The following MYLK4 variants were observed in gnomAD, a reference collection of about 807,000 sequenced individuals.
MYLK4 encodes the protein caMLCK like.
A neutral mutation model predicts 48.1 loss-of-function variants in MYLK4; 46 were observed. The ratio of observed to expected loss-of-function variants is 0.96; its 90% CI spans 0.75 to 1.22. The LOEUF (loss-of-function observed/expected upper bound fraction) is 1.22. Among genes scored for constraint, MYLK4 ranks in the 50% most tolerant of loss-of-function variants. The probability of loss-of-function intolerance (pLI) is 0.00; values close to 1 mark genes in which losing one functional copy is unlikely to be tolerated. For synonymous variants in MYLK4, 170 were observed against 180.8 expected (o/e 0.94, Z 0.48); for missense variants, 451 against 486.1 (o/e 0.93, Z 0.68).
At position 2,665,085 on chromosome 6, in the gene MYLK4, A is replaced by G. The variant is rs534443403; in HGVS notation, c.*2840T>C. The stretch of plus-strand genomic sequence containing the variant: ...GTGAGTGAGCAAAGCCATACCATCC[A>G]TTAAGAGGGTGGAGGAGAAATACAG... On this transcript the variant is annotated 3_prime_UTR_variant, in exon 13 of 13. Coordinates refer to ENST00000274643, the MANE Select transcript of MYLK4 (RefSeq NM_001012418.5). 9 of 152,376 alleles carry G rather than the reference A, an allele frequency of 5.9e-5. No individual in the cohort carries two copies. The highest frequency in any genetic ancestry group is 2.2e-4 in the African/African-American group (9 of 41,592). 9.4% of individuals were successfully genotyped at this position (152,376 alleles called of 1,614,324 possible). A position where few individuals can be genotyped will look rare whatever the true frequency, so the allele number is the denominator to read the frequency against.
the MYLK4 span, chr6:2,766,349 A>C: frequency 1.2e-6 from 2 of 1,610,506 alleles, no homozygotes; most frequent in Non-Finnish European, 8.5e-7. Flanking sequence ...CTTCGGGCAG[A>C]GCAAGGCCGT....
chr6:2,680,397 G>A, intron 7 of MYLK4, 106 bp from the exon 8 acceptor site: 1 of 1,579,788 alleles, frequency 6.3e-7, no homozygotes, highest in South Asian at 1.1e-5. Context: ...AAACATATCA[G>A]GCCTTTCACT....
At chr6:2,762,628 C>G in the MYLK4 span, among the ~76,000 whole-genome samples, 3 of 152,252 alleles carry the variant, frequency 2.0e-5, no homozygotes, top group Non-Finnish European at 2.9e-5. Context: ...CTGTGATGCT[C>G]CTGCAATAAT....
At chr6:2,765,451 C>G in the MYLK4 span, 1 of 766,824 alleles carries the variant, frequency 1.3e-6, no homozygotes. Flanking sequence ...CGGGCGGACG[C>G]GGGAGCTGCG....
intron 2 of MYLK4, among the ~76,000 whole-genome samples, chr6:2,698,593 T>C (rs1450445966): frequency 1.3e-5 from 2 of 152,176 alleles, no homozygotes; most frequent in Admixed American, 6.5e-5. Context: ...TCTAGAAATA[T>C]CTAAACAAAA....
At chr6:2,730,402 A>T (rs901368496) in intron 2 of MYLK4, among the ~76,000 whole-genome samples, 5 of 152,162 alleles carry the variant, frequency 3.3e-5, no homozygotes, top group African/African-American at 1.2e-4. Context: ...TGAACCTGAA[A>T]ATTCCCAGTT....
chr6:2,744,783 C>G (rs1414033240), intron 2 of MYLK4, among the ~76,000 whole-genome samples: 1 of 152,164 alleles, frequency 6.6e-6, no homozygotes, highest in Non-Finnish European at 1.5e-5. Flanking sequence ...TGGGATACCC[C>G]CTGGTTGGGA....
At chr6:2,694,478 GATGGTAGTGGTC>G (rs1411087812) in intron 2 of MYLK4, among the ~76,000 whole-genome samples, 1 of 28,226 alleles carries the variant, frequency 3.5e-5, no homozygotes, top group Non-Finnish European at 6.7e-5. Flanking sequence ...TGATGATGAT[GATGGTAGTGGTC>G]ATGGTGGTGG....
rs184505445 is a variant in MYLK4, at chr6:2,708,226, T to C, written c.160-15367A>G. Among the ~76,000 whole-genome samples, 3 of 152,338 alleles carry C rather than the reference T, an allele frequency of 2.0e-5. 1 individual carries two copies. Among genetic ancestry groups the C allele is most frequent in the Admixed American group, 2.0e-4 (3 of 15,302 alleles). ...AAAGTTGACACTGAATCTACAAACATATTCATACTCAGAAATAAAAATGTG... is the reference window on the plus strand; with the variant it reads ...AAAGTTGACACTGAATCTACAAACACATTCATACTCAGAAATAAAAATGTG... On this transcript the variant is annotated intron_variant, in intron 2 of 12. Transcript: ENST00000274643.
At chr6:2,765,768 A>C in the MYLK4 span, 1 of 1,469,230 alleles carries the variant, frequency 6.8e-7, no homozygotes, top group Non-Finnish European at 9.0e-7. Context: ...GGGCACGCGG[A>C]GCCCGCGGCC....
At chr6:2,727,160 A>G (rs1763306963) in intron 2 of MYLK4, among the ~76,000 whole-genome samples, 1 of 152,192 alleles carries the variant, frequency 6.6e-6, no homozygotes, top group African/African-American at 2.4e-5. Flanking sequence ...TCTCACTGTC[A>G]GTTTTCACAG....
Position 2,683,086 on chromosome 6 carries a change from T to G in MYLK4, c.622A>C (p.Met208Leu). ...CTTATCCCCTCACATATCTGCTTCA[T>G]GAACAGGATGGTATCAAGCTCCGTC... ...NLTELDTILF[M>L]KQICEGIRHM... The change falls in exon 7 of 13, where the codon ATG (methionine) becomes CTG (leucine). Residue 208 changes from methionine to leucine, a missense_variant. By Grantham distance (15) the Met-to-Leu change is conservative (BLOSUM62 2). Coordinates refer to ENST00000274643, the MANE Select transcript of MYLK4 (RefSeq NM_001012418.5). 1 of 1,614,152 alleles carries G rather than the reference T, an allele frequency of 6.2e-7. No homozygotes were observed. The highest frequency in any genetic ancestry group is 8.5e-7 in the Non-Finnish European group (1 of 1,180,018).
At chr6:2,671,997 G>T (rs1647842798) in intron 11 of MYLK4, among the ~76,000 whole-genome samples, 1 of 152,174 alleles carries the variant, frequency 6.6e-6, no homozygotes, top group Non-Finnish European at 1.5e-5. Flanking sequence ...GATTTTTTCA[G>T]TCAAGGTCTG....
At chr6:2,704,824 T>A (rs1163899509) in intron 2 of MYLK4, among the ~76,000 whole-genome samples, 1 of 152,250 alleles carries the variant, frequency 6.6e-6, no homozygotes, top group Non-Finnish European at 1.5e-5. Context: ...CTAAATAATG[T>A]CTTTGCATTT....
intron 2 of MYLK4, among the ~76,000 whole-genome samples, chr6:2,745,067 G>T (rs1186542898): frequency 6.6e-6 from 1 of 152,190 alleles, no homozygotes; most frequent in Non-Finnish European, 1.5e-5. Context: ...CGGAGGAGGA[G>T]GAGAGCACAG....
chr6:2,758,457 A>G, the MYLK4 span, among the ~76,000 whole-genome samples: 4 of 151,798 alleles, frequency 2.6e-5, no homozygotes, highest in Non-Finnish European at 5.9e-5. Flanking sequence ...AATAAAAGAT[A>G]TATGTATCTT....
intron 2 of MYLK4, among the ~76,000 whole-genome samples, chr6:2,734,145 T>G (rs529325626): frequency 2.6e-5 from 4 of 152,284 alleles, no homozygotes; most frequent in African/African-American, 7.2e-5. Flanking sequence ...CCACACGTAC[T>G]CATGTCTGCA....
At position 2,671,647 on chromosome 6, in the gene MYLK4, G is replaced by A. The variant is rs200533954; in HGVS notation, c.1120-299C>T. On this transcript the variant is annotated intron_variant, in intron 11 of 12. Coordinates refer to ENST00000274643, the MANE Select transcript of MYLK4 (RefSeq NM_001012418.5). ...AGGTATGTTTTGCAAAAACTCACGC[G>A]TGTATAGCACAAGAATGCTCTATCA... Among the ~76,000 whole-genome samples the A allele has an allele frequency of 2.0e-5, 3 of 152,290 alleles. No individual in the cohort carries two copies. The East Asian group carries it at 5.8e-4, about 29-fold the overall frequency.
In MYLK4 at chr6:2,664,946, A is replaced by G. The variant is rs1203852218; in HGVS notation, c.*2979T>C. The G allele has an allele frequency of 2.6e-5, 4 of 152,164 alleles. No homozygotes were observed. Among genetic ancestry groups the G allele is most frequent in the East Asian group, 1.9e-4 (1 of 5,186 alleles). 9.4% of individuals were successfully genotyped at this position (152,164 alleles called of 1,614,324 possible). A position where few individuals can be genotyped will look rare whatever the true frequency, so the allele number is the denominator to read the frequency against. On this transcript the variant is annotated 3_prime_UTR_variant, in exon 13 of 13. Transcript: ENST00000274643. ...AGTGTTGGTGTCTTCCAAATTACCA[A>G]TGAGGCATGCCTTCTCCTTAATAAC...
Sources: allele counts gnomAD v4.1 joint callset (sites outside exome capture counted in the v4.1 genomes callset), GRCh38; gene constraint gnomAD v4.1.1; transcripts MANE v1.5; gene names NCBI Gene and HGNC (gene_info 2026-07-23, HGNC 2026-07-21).